DIS3L2: variants seen among roughly 807,000 people sequenced by gnomAD.
DIS3L2 encodes the protein DIS3 like 3'-5' exoribonuclease 2, also known as DIS3-like exonuclease 2.
DIS3L2 carries 34 observed loss-of-function variants against 97.5 expected under a neutral mutation model. The ratio of observed to expected loss-of-function variants is 0.35; its 90% CI spans 0.27 to 0.46. The LOEUF is 0.46. DIS3L2 is among the 20% of genes least tolerant of loss of function. The pLI, the probability that DIS3L2 is intolerant of heterozygous loss-of-function variation, is 1.00. For missense variants in DIS3L2, 1,038 were observed against 1,146.0 expected, an observed-to-expected ratio of 0.91 and a Z score of 1.36; for synonymous variants, 435 against 445.2, an observed-to-expected ratio of 0.98 and a Z score of 0.29.
At chr2:231,984,312 A>C (rs916699375) in intron 1 of DIS3L2, among the ~76,000 whole-genome samples, 1 of 145,820 alleles carries the variant, frequency 6.9e-6, no homozygotes, top group African/African-American at 2.5e-5. Flanking sequence ...TTTTTATTTT[A>C]TTTTTTGAGA....
rs112592681 is a variant in DIS3L2 at position 232,023,830 on chromosome 2, C to G, written c.211-447C>G. 1.4e-4 allele frequency among the ~76,000 whole-genome samples: 21 copies of G among 152,238 alleles called. 2 individuals are homozygous for G. Among genetic ancestry groups the G allele is most frequent in the African/African-American group, 5.1e-4 (21 of 41,544 alleles). Reference sequence around the variant, plus strand: ...GCTCAGTATCTAGCTTGGAAATCAACCTGTACCACTTTGAAAATTGTCACA... The same window carrying G: ...GCTCAGTATCTAGCTTGGAAATCAAGCTGTACCACTTTGAAAATTGTCACA... On this transcript the variant is annotated intron_variant, in intron 3 of 20. Coordinates refer to ENST00000325385, the MANE Select transcript of DIS3L2 (RefSeq NM_152383.5).
chr2:232,287,322 C>A (rs532164308), intron 13 of DIS3L2, among the ~76,000 whole-genome samples: 1 of 142,552 alleles, frequency 7.0e-6, no homozygotes, highest in East Asian at 2.1e-4. Context: ...GCTAATTTTT[C>A]ATAGTTAGCA....
chr2:232,338,053 G>GC (rs1483996323), downstream of DIS3L2, among the ~76,000 whole-genome samples: 1 of 151,728 alleles, frequency 6.6e-6, no homozygotes, highest in Non-Finnish European at 1.5e-5. Flanking sequence ...AGACAGGCGA[G>GC]CGTCTGGGGG....
intron 10 of DIS3L2, among the ~76,000 whole-genome samples, chr2:232,215,527 G>T (rs566955863): frequency 6.6e-6 from 1 of 152,292 alleles, no homozygotes; most frequent in East Asian, 1.9e-4. Context: ...ATTTTTTGGG[G>T]AGGATGGAGC....
intron 1 of DIS3L2, among the ~76,000 whole-genome samples, chr2:232,010,261 C>G (rs1489440170): frequency 1.3e-5 from 2 of 152,016 alleles, no homozygotes; most frequent in African/African-American, 4.8e-5. Context: ...TATCCTTTCC[C>G]CTGCCCCCTC....
chr2:232,202,809 G>A (rs752176120), intron 9 of DIS3L2, among the ~76,000 whole-genome samples: 1 of 152,204 alleles, frequency 6.6e-6, no homozygotes, highest in African/African-American at 2.4e-5. Context: ...TTTGTGTTTT[G>A]TGTCTGCTTC....
chr2:232,206,640 C>T (rs1327820254), intron 9 of DIS3L2, among the ~76,000 whole-genome samples: 2 of 152,188 alleles, frequency 1.3e-5, no homozygotes, highest in East Asian at 1.9e-4. Context: ...TATGGTTTGC[C>T]AATTCCTGAT....
At chr2:232,262,327 CT>C (rs1480769655) in intron 12 of DIS3L2, among the ~76,000 whole-genome samples, 2 of 152,156 alleles carry the variant, frequency 1.3e-5, no homozygotes, top group East Asian at 1.9e-4. Context: ...TTTTAATGTC[CT>C]TTTTTTGTTT....
chr2:232,212,626 T>G (rs572110731), intron 10 of DIS3L2, among the ~76,000 whole-genome samples: 17 of 152,306 alleles, frequency 1.1e-4, no homozygotes, highest in African/African-American at 3.8e-4. Flanking sequence ...TGTTTTTTGT[T>G]TGTTGGACAA....
intron 6 of DIS3L2, among the ~76,000 whole-genome samples, chr2:232,094,923 T>C (rs1696959871): frequency 1.3e-5 from 2 of 152,150 alleles, no homozygotes. Context: ...TTTTCTCTTC[T>C]TATAGTTTTT....
intron 9 of DIS3L2, among the ~76,000 whole-genome samples, chr2:232,185,681 A>G (rs564665960): frequency 3.3e-5 from 5 of 152,104 alleles, no homozygotes; most frequent in Non-Finnish European, 7.4e-5. Flanking sequence ...CTAAAAAAAT[A>G]AAAACAAAAA....
At chr2:232,041,605 C>G (rs1157155668) in intron 5 of DIS3L2, among the ~76,000 whole-genome samples, 1 of 152,068 alleles carries the variant, frequency 6.6e-6, no homozygotes, top group Non-Finnish European at 1.5e-5. Flanking sequence ...GTCTTGGGAG[C>G]CCAGAATTCA....
rs1377588504 is a variant in DIS3L2 at position 232,334,468 on chromosome 2, G to A, written c.2258G>A (p.Ser753Asn). The A allele has an allele frequency of 1.2e-6, 2 of 1,613,828 alleles. No homozygotes were observed. The highest frequency in any genetic ancestry group is 1.7e-6 in the Non-Finnish European group (2 of 1,180,012). Reference protein sequence around the residue: ...RMASKRVQELSTSLFFAVLVK... With the variant: ...RMASKRVQELNTSLFFAVLVK... ...GCGTCCAAGCGCGTGCAGGAGCTCA[G>A]TACCAGTCTCTTCTTTGCTGTTCTG... is the stretch of plus-strand genomic sequence containing the variant. Residue 753 changes from serine to asparagine, a missense_variant, in exon 18 of 21, where the codon AGT becomes AAT. This residue lies in a region of DIS3L2 where 221 missense variants were observed against 246.9 expected (regional missense o/e 0.90). Coordinates refer to ENST00000325385, the MANE Select transcript of DIS3L2 (RefSeq NM_152383.5).
intron 5 of DIS3L2, among the ~76,000 whole-genome samples, chr2:232,044,069 AT>A (rs552745738): frequency 3.2e-4 from 49 of 152,214 alleles, no homozygotes; most frequent in Non-Finnish European, 4.9e-4. Flanking sequence ...AGCTAGGGAT[AT>A]AAAGTGGCAA....
At chr2:232,295,396 TG>T (rs1230008532) in intron 13 of DIS3L2, among the ~76,000 whole-genome samples, 6 of 152,212 alleles carry the variant, frequency 3.9e-5, no homozygotes, top group Non-Finnish European at 5.9e-5. Flanking sequence ...CAGATCTTAC[TG>T]TTATCGCTGC....
At chr2:232,181,229 C>T (rs1050642678) in intron 9 of DIS3L2, among the ~76,000 whole-genome samples, 1 of 151,220 alleles carries the variant, frequency 6.6e-6, no homozygotes, top group African/African-American at 2.4e-5. Context: ...ACCTTTCTCT[C>T]TGGCTGCCCT....
intron 5 of DIS3L2, among the ~76,000 whole-genome samples, chr2:232,086,077 G>A (rs998197352): frequency 6.6e-6 from 1 of 152,074 alleles, no homozygotes; most frequent in African/African-American, 2.4e-5. Flanking sequence ...GATTACAGGT[G>A]TGAGTCACTG....
chr2:232,214,817 G>A (rs897345971), intron 10 of DIS3L2, among the ~76,000 whole-genome samples: 3 of 152,154 alleles, frequency 2.0e-5, no homozygotes, highest in Non-Finnish European at 4.4e-5. Context: ...ACCTTTATTC[G>A]CTTTTCGTTG....
chr2:232,207,641 C>T (rs1559155483), intron 9 of DIS3L2, among the ~76,000 whole-genome samples: 1 of 152,192 alleles, frequency 6.6e-6, no homozygotes, highest in Non-Finnish European at 1.5e-5. Context: ...ATCACCCTTT[C>T]TGGGATCTGC....
Sources: gnomAD v4.1 joint callset for allele counts (sites outside exome capture counted in the v4.1 genomes callset) on GRCh38, gnomAD v4.1.1 for gene constraint, gnomAD v4.1.1 regional missense constraint, MANE v1.5 for transcripts, NCBI Gene and HGNC (gene_info 2026-07-23, HGNC 2026-07-21) for gene names.